The following THSD7B variants were observed in gnomAD, a reference collection of about 807,000 sequenced individuals.
THSD7B encodes thrombospondin type-1 domain-containing protein 7B.
A neutral mutation model predicts 213.6 loss-of-function variants in THSD7B; 138 were observed. The ratio of observed to expected loss-of-function variants is 0.65; its 90% CI spans 0.56 to 0.74. The LOEUF is 0.74. THSD7B is among the 30% of genes least tolerant of loss of function. The pLI is 0.00. For synonymous variants in THSD7B, 742 were observed against 687.0 expected (o/e 1.08, Z -1.25); for missense variants, 1,931 against 1,991.5 (o/e 0.97, Z 0.58).
intron 2 of THSD7B, among the ~76,000 whole-genome samples, chr2:136,996,180 CT>C (rs1399629127): frequency 6.6e-6 from 1 of 152,198 alleles, no homozygotes; most frequent in Admixed American, 6.5e-5. Context: ...TTTCCTTCGT[CT>C]GTCTGTGTGC....
chr2:137,397,806 A>G (rs1311314061), intron 12 of THSD7B, among the ~76,000 whole-genome samples: 2 of 147,528 alleles, frequency 1.4e-5, no homozygotes, highest in African/African-American at 5.0e-5. Context: ...AGGTACACCA[A>G]TCAGACGTAG....
intron 17 of THSD7B, among the ~76,000 whole-genome samples, chr2:137,578,352 C>A (rs1020827037): frequency 2.0e-5 from 3 of 152,194 alleles, no homozygotes; most frequent in Non-Finnish European, 4.4e-5. Context: ...GAGTGAAACT[C>A]CCCAAGTTCA....
At chr2:137,172,588 C>CATGT (rs542768741) in intron 7 of THSD7B, among the ~76,000 whole-genome samples, 2 of 152,154 alleles carry the variant, frequency 1.3e-5, no homozygotes, top group Non-Finnish European at 2.9e-5. Context: ...TCTGGCTTTT[C>CATGT]ATGTATATTC....
chr2:137,379,816 T>C (rs1685734089), intron 12 of THSD7B, among the ~76,000 whole-genome samples: 1 of 152,214 alleles, frequency 6.6e-6, no homozygotes, highest in Non-Finnish European at 1.5e-5. Context: ...AAAATGCTAA[T>C]GCTAGCTGTC....
intron 12 of THSD7B, among the ~76,000 whole-genome samples, chr2:137,300,598 G>T (rs1034294908): frequency 3.3e-5 from 5 of 152,150 alleles, no homozygotes; most frequent in Non-Finnish European, 7.3e-5. Flanking sequence ...GAGGGAATAA[G>T]TTGTCCCCAA....
At chr2:137,136,287 C>T (rs904354303) in intron 5 of THSD7B, among the ~76,000 whole-genome samples, 1 of 152,124 alleles carries the variant, frequency 6.6e-6, no homozygotes, top group South Asian at 2.1e-4. Context: ...TATCCCAGAA[C>T]TTAAAGAATA....
intron 9 of THSD7B, among the ~76,000 whole-genome samples, chr2:137,233,720 G>A (rs539259190): frequency 6.6e-6 from 1 of 152,152 alleles, no homozygotes; most frequent in Non-Finnish European, 1.5e-5. Flanking sequence ...AAACGATCAA[G>A]AACAACTGCA....
chr2:136,924,955 T>A (rs1684498190), intron 2 of THSD7B, among the ~76,000 whole-genome samples: 1 of 152,178 alleles, frequency 6.6e-6, no homozygotes, highest in South Asian at 2.1e-4. Flanking sequence ...TTTTCTTAAT[T>A]TCATTTTTGA....
Position 137,532,479 on chromosome 2 carries a change from T to A in THSD7B, c.3139-30742T>A, listed in dbSNP as rs190178883. On this transcript the variant is annotated intron_variant, in intron 15 of 27. Coordinates refer to ENST00000409968, the MANE Select transcript of THSD7B (RefSeq NM_001316349.2). ...TCATTAAATTCCTACAAAACAAATT[T>A]AATTTAGATTTAATTTGATGGGATC... Among the ~76,000 whole-genome samples the A allele has an allele frequency of 1.1e-4, 17 of 151,998 alleles. No homozygotes were observed. In the East Asian group the frequency reaches 2.3e-3, roughly 21 times the overall value.
rs147873161 is a variant in THSD7B, at chr2:136,804,267, C to T, written c.-36+38580C>T. ...AGCTTCCTCATGTGCAAAGATCTTC[C>T]GTATATAATTATTTGTGAAGGTATA... is the stretch of plus-strand genomic sequence containing the variant. On this transcript the variant is annotated intron_variant, in intron 1 of 27. Transcript: ENST00000409968. 1.6e-4 allele frequency among the ~76,000 whole-genome samples: 25 copies of T among 152,068 alleles called. No individual in the cohort carries two copies. The East Asian group carries it at 2.5e-3, about 15-fold the overall frequency.
chr2:137,288,090 T>G (rs1031089072), intron 12 of THSD7B, among the ~76,000 whole-genome samples: 4 of 152,136 alleles, frequency 2.6e-5, no homozygotes, highest in Admixed American at 2.0e-4. Context: ...AAACATGTAA[T>G]GTTTGTACTT....
chr2:136,814,246 A>G (rs1019991493), intron 1 of THSD7B, among the ~76,000 whole-genome samples: 1 of 152,222 alleles, frequency 6.6e-6, no homozygotes, highest in African/African-American at 2.4e-5. Context: ...GTGGAAAAGT[A>G]AAAGCTCTGT....
chr2:137,048,435 T>C (rs1687007701), intron 2 of THSD7B, among the ~76,000 whole-genome samples: 1 of 152,238 alleles, frequency 6.6e-6, no homozygotes, highest in South Asian at 2.1e-4. Flanking sequence ...TTGTATATGG[T>C]ATGAATATCT....
chr2:137,297,355 T>A (rs562889559), intron 12 of THSD7B, among the ~76,000 whole-genome samples: 120 of 151,654 alleles, frequency 7.9e-4, no homozygotes, highest in Middle Eastern at 6.8e-3. Context: ...TTCCTCTTTT[T>A]TTTTTTCTTC....
In THSD7B at chr2:137,318,003, A is replaced by G. The variant is rs181886203; in HGVS notation, c.2500+41977A>G. Among the ~76,000 whole-genome samples, 4 of 152,322 alleles carry G rather than the reference A, an allele frequency of 2.6e-5. No individual in the cohort carries two copies. The East Asian group carries it at 5.8e-4, about 22-fold the overall frequency. On this transcript the variant is annotated intron_variant, in intron 12 of 27. Coordinates refer to ENST00000409968, the MANE Select transcript of THSD7B (RefSeq NM_001316349.2). ...TCCTGTTTGAGTTCTAAATTACTCC[A>G]TATTAGTTACATCATACATCTGTTA...
chr2:137,121,021 T>C (rs1479015180), intron 5 of THSD7B, among the ~76,000 whole-genome samples: 1 of 152,138 alleles, frequency 6.6e-6, no homozygotes, highest in Non-Finnish European at 1.5e-5. Flanking sequence ...GTGAGATTGG[T>C]TTCTACTGGT....
intron 6 of THSD7B, among the ~76,000 whole-genome samples, chr2:137,161,566 G>T (rs1156491367): frequency 6.6e-6 from 1 of 152,054 alleles, no homozygotes; most frequent in Non-Finnish European, 1.5e-5. Flanking sequence ...TCTGACTCTT[G>T]TTCTAAGGTA....
intron 2 of THSD7B, among the ~76,000 whole-genome samples, chr2:136,994,657 A>G (rs543319427): frequency 8.3e-4 from 127 of 152,294 alleles, no homozygotes; most frequent in Non-Finnish European, 1.5e-3. Context: ...TCCCTATAAC[A>G]ATCGTTTATG....
intron 15 of THSD7B, among the ~76,000 whole-genome samples, chr2:137,552,206 T>C (rs1680863076): frequency 6.6e-6 from 1 of 152,190 alleles, no homozygotes. Flanking sequence ...TGTGGCTTTT[T>C]TTTTCTATAT....
Sources: allele counts gnomAD v4.1 joint callset (sites outside exome capture counted in the v4.1 genomes callset), GRCh38; gene constraint gnomAD v4.1.1; transcripts MANE v1.5; gene names NCBI Gene and HGNC (gene_info 2026-07-23, HGNC 2026-07-21).